The following TMTC2 variants were observed in gnomAD, a reference collection of about 807,000 sequenced individuals.
The protein encoded by TMTC2 is transmembrane O-mannosyltransferase targeting cadherins 2, also known as protein O-mannosyl-transferase TMTC2.
Under a neutral mutation model 82.4 loss-of-function variants are expected in TMTC2, and 43 were observed. The observed-to-expected ratio is 0.52, with a 90% CI of 0.41 to 0.67. TMTC2 has a LOEUF of 0.67. Ranked by LOEUF, TMTC2 falls within the 30% of genes least tolerant of loss-of-function variation. The probability of loss-of-function intolerance (pLI) is 0.00; values close to 1 mark genes in which losing one functional copy is unlikely to be tolerated. For synonymous variants in TMTC2, 408 were observed against 381.9 expected (o/e 1.07, Z -0.80); for missense variants, 919 against 1,012.4 (o/e 0.91, Z 1.25).
At position 82,871,681 on chromosome 12, in the gene TMTC2, C is replaced by CTGTGTGTGTGTGTGTG. The variant is rs10662218; in HGVS notation, c.654+14125_654+14140dup. On this transcript the variant is annotated intron_variant, in intron 2 of 11. Transcript: ENST00000321196. Reference sequence around the variant, plus strand: ...GTGGTGTCTAAGTAGCTCTGCTCATCTGTGTGTGTGTGTGTGTGTGTGTGT... The same window carrying CTGTGTGTGTGTGTGTG: ...GTGGTGTCTAAGTAGCTCTGCTCATCTGTGTGTGTGTGTGTGTGTGTGTGTGTGTGTGTGTGTGTGT... Among the ~76,000 whole-genome samples the CTGTGTGTGTGTGTGTG allele has an allele frequency of 7.2e-4, 102 of 142,198 alleles. 1 individual carries two copies. Among genetic ancestry groups the CTGTGTGTGTGTGTGTG allele is most frequent in the African/African-American group, 1.5e-3 (56 of 38,424 alleles). The allele number at this position is 142,198 out of a possible 152,430, so 93.3% of individuals were successfully genotyped here.
At position 82,970,038 on chromosome 12, in the gene TMTC2, T is replaced by C. The variant is rs78083943; in HGVS notation, c.1948+3041T>C. Among the ~76,000 whole-genome samples the C allele has an allele frequency of 8.4e-3, 1,284 of 152,314 alleles. 26 individuals carry two copies. Among genetic ancestry groups the C allele is most frequent in the African/African-American group, 0.029 (1,226 of 41,568 alleles). ...TAGCCAGTTGTGTGACTTAATTCTG[T>C]GGACCTCATTTCCACTTGAGAAAAC... On this transcript the variant is annotated intron_variant, in intron 7 of 11. Transcript: ENST00000321196.
intron 11 of TMTC2, among the ~76,000 whole-genome samples, chr12:83,096,846 A>G (rs1404722309): frequency 6.6e-6 from 1 of 152,006 alleles, no homozygotes; most frequent in Non-Finnish European, 1.5e-5. Context: ...ATTAGTTTCT[A>G]CTCATTCATC....
chr12:83,042,829 A>G (rs1412869016), intron 9 of TMTC2, among the ~76,000 whole-genome samples: 4 of 152,136 alleles, frequency 2.6e-5, no homozygotes. Context: ...CACACTAGAC[A>G]CCTTCCTTGC....
At chr12:82,984,977 A>G (rs960978125) in intron 7 of TMTC2, among the ~76,000 whole-genome samples, 1 of 151,922 alleles carries the variant, frequency 6.6e-6, no homozygotes, top group Non-Finnish European at 1.5e-5. Flanking sequence ...AATAATTGTC[A>G]TCTGTTTATT....
At chr12:82,976,430 T>C (rs537925426) in intron 7 of TMTC2, among the ~76,000 whole-genome samples, 134 of 152,238 alleles carry the variant, frequency 8.8e-4, no homozygotes, top group African/African-American at 3.1e-3. Flanking sequence ...TTTCCATGTC[T>C]TTCCTGTGTT....
In TMTC2 at chr12:83,123,280, A is replaced by T. The variant is rs1285212756; in HGVS notation, c.2332-8930A>T. On this transcript the variant is annotated intron_variant, in intron 11 of 11. Transcript: ENST00000321196. Reference sequence around the variant, plus strand: ...ATACAGCATTGTTGTCTTAGTTGTCATCTGTGTCTGATTTGTTTTATTCAA... The same window carrying T: ...ATACAGCATTGTTGTCTTAGTTGTCTTCTGTGTCTGATTTGTTTTATTCAA... Among the ~76,000 whole-genome samples the T allele has an allele frequency of 2.0e-5, 3 of 152,320 alleles. No individual in the cohort carries two copies. In the East Asian group the frequency reaches 5.8e-4, roughly 29 times the overall value.
intron 1 of TMTC2, among the ~76,000 whole-genome samples, chr12:82,818,835 A>C (rs766406011): frequency 3.3e-5 from 5 of 152,160 alleles, no homozygotes; most frequent in African/African-American, 4.8e-5. Context: ...AGTTAATGTA[A>C]TGTGAAAATA....
At chr12:82,742,278 T>C (rs1314329138) in intron 1 of TMTC2, among the ~76,000 whole-genome samples, 1 of 152,058 alleles carries the variant, frequency 6.6e-6, no homozygotes, top group Non-Finnish European at 1.5e-5. Flanking sequence ...TTTCCCTAGG[T>C]CATGCCATTC....
intron 10 of TMTC2, among the ~76,000 whole-genome samples, chr12:83,059,967 G>A (rs1483068704): frequency 2.6e-5 from 4 of 151,582 alleles, no homozygotes; most frequent in Non-Finnish European, 5.9e-5. Flanking sequence ...AACCTTTCCA[G>A]GGCATGACCT....
At chr12:82,939,420 A>C (rs1412001883) in intron 4 of TMTC2, among the ~76,000 whole-genome samples, 1 of 152,178 alleles carries the variant, frequency 6.6e-6, no homozygotes, top group East Asian at 1.9e-4. Context: ...TGTCTCTCTG[A>C]AAATGACCAT....
At chr12:82,747,951 G>A (rs1200109039) in intron 1 of TMTC2, among the ~76,000 whole-genome samples, 1 of 152,144 alleles carries the variant, frequency 6.6e-6, no homozygotes, top group Admixed American at 6.5e-5. Context: ...GAAAATACTG[G>A]TGTTAAGTAT....
At chr12:82,779,212 G>A (rs1389126268) in intron 1 of TMTC2, among the ~76,000 whole-genome samples, 1 of 152,014 alleles carries the variant, frequency 6.6e-6, no homozygotes, top group Non-Finnish European at 1.5e-5. Context: ...ATGGTTGAGC[G>A]TGTGCTAGGT....
intron 3 of TMTC2, among the ~76,000 whole-genome samples, chr12:82,912,096 T>A (rs1874702184): frequency 6.6e-6 from 1 of 152,220 alleles, no homozygotes; most frequent in Non-Finnish European, 1.5e-5. Flanking sequence ...AGTTCCTTTT[T>A]GCAAAACACA....
intron 11 of TMTC2, among the ~76,000 whole-genome samples, chr12:83,116,210 A>G (rs1449304600): frequency 6.6e-6 from 1 of 152,196 alleles, no homozygotes; most frequent in Non-Finnish European, 1.5e-5. Flanking sequence ...CACTTAGAAT[A>G]ATAGTCTCCA....
At chr12:82,730,100 G>A (rs1450536033) in intron 1 of TMTC2, among the ~76,000 whole-genome samples, 1 of 152,034 alleles carries the variant, frequency 6.6e-6, no homozygotes, top group South Asian at 2.1e-4. Context: ...CTCACTGCGA[G>A]GGTCTGTGGC....
chr12:82,861,466 C>G (rs1871545444), intron 2 of TMTC2, among the ~76,000 whole-genome samples: 1 of 152,164 alleles, frequency 6.6e-6, no homozygotes, highest in South Asian at 2.1e-4. Flanking sequence ...TTACAAGACT[C>G]ATGCAAATGA....
At chr12:83,045,750 CACCAGGAGTGTCTGGCG>C (rs1882093273) in intron 9 of TMTC2, among the ~76,000 whole-genome samples, 1 of 140,068 alleles carries the variant, frequency 7.1e-6, no homozygotes, top group African/African-American at 2.5e-5. Context: ...CACACACACA[CACCAGGAGTGTCTGGCG>C]ACCATCAGGA....
intron 1 of TMTC2, among the ~76,000 whole-genome samples, chr12:82,783,290 CTGTGTGTGTGTG>C (rs72110651): frequency 1.7e-5 from 2 of 119,274 alleles, no homozygotes; most frequent in Admixed American, 2.0e-4. Flanking sequence ...GTATATGCCT[CTGTGTGTGTGTG>C]TGTGTGTGTG....
intron 3 of TMTC2, among the ~76,000 whole-genome samples, chr12:82,899,210 A>G (rs1408175457): frequency 2.0e-5 from 3 of 152,084 alleles, no homozygotes; most frequent in Non-Finnish European, 4.4e-5. Flanking sequence ...GACATCAAAC[A>G]CTGAATTCCT....
Sources: allele counts gnomAD v4.1 joint callset (sites outside exome capture counted in the v4.1 genomes callset), GRCh38; gene constraint gnomAD v4.1.1; transcripts MANE v1.5; gene names NCBI Gene and HGNC (gene_info 2026-07-23, HGNC 2026-07-21).